The following UTRN variants were observed in gnomAD, a reference collection of about 807,000 sequenced individuals.
UTRN encodes the protein utrophin.
Under a neutral mutation model 463.9 loss-of-function variants are expected in UTRN, and 283 were observed. The ratio of observed to expected loss-of-function variants is 0.61; its 90% CI spans 0.55 to 0.67. The LOEUF (loss-of-function observed/expected upper bound fraction) is 0.67. Ranked by LOEUF, UTRN falls within the 30% of genes least tolerant of loss-of-function variation. UTRN has a pLI of 0.00. For synonymous variants in UTRN, 1,442 were observed against 1,431.5 expected (o/e 1.01, Z -0.17); for missense variants, 3,922 against 4,084.3 (o/e 0.96, Z 1.08).
chr6:144,847,560 G>C (rs986755873), intron 74 of UTRN, among the ~76,000 whole-genome samples: 5 of 152,298 alleles, frequency 3.3e-5, no homozygotes, highest in African/African-American at 1.2e-4. Flanking sequence ...GATAAGGTAT[G>C]CCTAGAGTAG....
intron 2 of UTRN, among the ~76,000 whole-genome samples, chr6:144,338,639 C>A (rs1776912735): frequency 6.6e-6 from 1 of 152,070 alleles, no homozygotes; most frequent in Non-Finnish European, 1.5e-5. Flanking sequence ...TCACTCTGGG[C>A]TCTGTAGGAG....
chr6:144,570,015 G>A (rs1357865595), intron 50 of UTRN, among the ~76,000 whole-genome samples: 1 of 152,174 alleles, frequency 6.6e-6, no homozygotes, highest in African/African-American at 2.4e-5. Context: ...GTGGAGACCC[G>A]TGTTGATCAC....
chr6:144,809,306 A>T (rs550073368), intron 65 of UTRN, among the ~76,000 whole-genome samples: 1 of 152,286 alleles, frequency 6.6e-6, no homozygotes, highest in Admixed American at 6.5e-5. Flanking sequence ...ACTAGAGTGC[A>T]GCTGAGGTTA....
At chr6:144,292,112 A>T (rs1343669723) in intron 2 of UTRN, among the ~76,000 whole-genome samples, 1 of 152,154 alleles carries the variant, frequency 6.6e-6, no homozygotes, top group East Asian at 1.9e-4. Context: ...TTCTCAACCC[A>T]ATTTTGTGCT....
intron 61 of UTRN, 25 bp downstream of exon 61, chr6:144,782,148 A>G (rs1246628220): frequency 6.5e-7 from 1 of 1,536,712 alleles, no homozygotes; most frequent in Non-Finnish European, 8.9e-7. Flanking sequence ...TTTCTCATTA[A>G]AATACGATCA....
intron 2 of UTRN, among the ~76,000 whole-genome samples, chr6:144,386,912 C>T (rs945861104): frequency 4.0e-5 from 6 of 151,828 alleles, no homozygotes; most frequent in African/African-American, 9.7e-5. Context: ...AAACCACTTC[C>T]GAAATACTCC....
chr6:144,405,257 A>G (rs1489589499), intron 3 of UTRN, among the ~76,000 whole-genome samples: 2 of 152,200 alleles, frequency 1.3e-5, no homozygotes, highest in African/African-American at 4.8e-5. Context: ...GAATATTTGG[A>G]GATGGGAAGC....
intron 66 of UTRN, among the ~76,000 whole-genome samples, chr6:144,826,855 T>G (rs56855797): frequency 2.5e-4 from 38 of 152,250 alleles, no homozygotes; most frequent in African/African-American, 8.9e-4. Context: ...GGTTTGGATG[T>G]TTACATTTAA....
At chr6:144,551,473 A>C (rs1798915477) in intron 48 of UTRN, among the ~76,000 whole-genome samples, 2 of 152,180 alleles carry the variant, frequency 1.3e-5, no homozygotes, top group Non-Finnish European at 2.9e-5. Flanking sequence ...GTGTCTTTTA[A>C]CTCAACCCAA....
At chr6:144,643,515 G>A (rs796471926) in intron 51 of UTRN, among the ~76,000 whole-genome samples, 88 of 151,936 alleles carry the variant, frequency 5.8e-4, no homozygotes, top group African/African-American at 1.9e-3. Flanking sequence ...GTGTTAATTG[G>A]GCCGGGCACG....
chr6:144,627,323 G>A (rs1452263567), intron 51 of UTRN, among the ~76,000 whole-genome samples: 2 of 152,192 alleles, frequency 1.3e-5, no homozygotes, highest in South Asian at 2.1e-4. Flanking sequence ...TTCATTTATC[G>A]GTTTACTTTC....
At chr6:144,468,415 C>A (rs909134891) in intron 23 of UTRN, among the ~76,000 whole-genome samples, 3 of 152,020 alleles carry the variant, frequency 2.0e-5, no homozygotes, top group African/African-American at 7.2e-5. Context: ...ATACTGTATT[C>A]GTAATTTTAT....
chr6:144,331,873 G>GGCT, intron 2 of UTRN, among the ~76,000 whole-genome samples: 1 of 152,324 alleles, frequency 6.6e-6, no homozygotes, highest in Middle Eastern at 3.4e-3. Context: ...AAGAATTCCA[G>GGCT]GCTGAGGAGA....
chr6:144,400,094 T>C (rs1782805586), intron 2 of UTRN, among the ~76,000 whole-genome samples: 1 of 152,182 alleles, frequency 6.6e-6, no homozygotes, highest in Non-Finnish European at 1.5e-5. Flanking sequence ...TAAGATTTGC[T>C]AAGCCAGCAA....
chr6:144,558,098 G>T (rs553842327), intron 50 of UTRN, among the ~76,000 whole-genome samples: 1 of 152,154 alleles, frequency 6.6e-6, no homozygotes, highest in African/African-American at 2.4e-5. Flanking sequence ...CTATTTTGAC[G>T]TGAATAAAAT....
At chr6:144,493,495 CTCTCTCTCTCTCTCAA>C (rs1282086108) in intron 33 of UTRN, 39 bp downstream of exon 33, 6 of 1,549,964 alleles carry the variant, frequency 3.9e-6, no homozygotes, top group African/African-American at 3.4e-5. Context: ...CTCTGTCTCT[CTCTCTCTCTCTCTCAA>C]TCTCTCTCTC....
At position 144,447,715 on chromosome 6, in the gene UTRN, T is replaced by C; in HGVS notation, c.1836T>C (p.Ser612=). The change falls in exon 16 of 75, where the codon AGT becomes AGC. Residue 612 remains serine (S), a synonymous_variant. Coordinates refer to ENST00000367545, the MANE Select transcript of UTRN (RefSeq NM_007124.3). ...CCAAGGCATCTAAGAAGATCAACAG[T>C]GACTCAGAGGAACTGACTCAAAGAT... ...DNSKASKKIN[S]DSEELTQRWD... 6.2e-7 allele frequency: 1 copy of C among 1,613,976 alleles called. No homozygotes were observed. Among genetic ancestry groups the C allele is most frequent in the Non-Finnish European group, 8.5e-7 (1 of 1,179,904 alleles).
chr6:144,404,823 A>G (rs1281814186), intron 3 of UTRN, among the ~76,000 whole-genome samples: 1 of 152,188 alleles, frequency 6.6e-6, no homozygotes, highest in Non-Finnish European at 1.5e-5. Flanking sequence ...GAAATTTCTC[A>G]ATATTTATGG....
At chr6:144,576,512 G>A (rs1379461124) in intron 50 of UTRN, among the ~76,000 whole-genome samples, 2 of 152,000 alleles carry the variant, frequency 1.3e-5, no homozygotes, top group African/African-American at 2.4e-5. Flanking sequence ...TATATGAATT[G>A]TTTAAAATAT....
Sources: gnomAD v4.1 joint callset for allele counts (sites outside exome capture counted in the v4.1 genomes callset) on GRCh38, gnomAD v4.1.1 for gene constraint, MANE v1.5 for transcripts, NCBI Gene and HGNC (gene_info 2026-07-23, HGNC 2026-07-21) for gene names.